The following THSD1 variants were observed in gnomAD, a reference collection of about 807,000 sequenced individuals.
THSD1 encodes thrombospondin type 1 domain containing 1.
A neutral mutation model predicts 46.3 loss-of-function variants in THSD1; 34 were observed. That is an observed-to-expected ratio of 0.74 (90% CI 0.56 to 0.98). THSD1 has a LOEUF of 0.98. Among genes scored for constraint, THSD1 ranks in the 50% least tolerant of loss-of-function variants. The probability of loss-of-function intolerance (pLI) is 0.00; values close to 1 mark genes in which losing one functional copy is unlikely to be tolerated. For synonymous variants in THSD1, 407 were observed against 416.5 expected, an observed-to-expected ratio of 0.98 and a Z score of 0.28; for missense variants, 1,023 against 1,058.3, an observed-to-expected ratio of 0.97 and a Z score of 0.46.
intron 1 of THSD1, among the ~76,000 whole-genome samples, chr13:52,405,040 A>G (rs74085770): frequency 0.019 from 2,836 of 152,292 alleles, 99 homozygotes; most frequent in African/African-American, 0.065. Flanking sequence ...GTTGTTCTCA[A>G]TACCTCGACT....
chr13:52,384,138 C>T (rs1031322976), intron 4 of THSD1: 7 of 338,078 alleles, frequency 2.1e-5, no homozygotes, highest in South Asian at 1.4e-4. Flanking sequence ...GAGCCGAGAT[C>T]GCACCATTGC....
At position 52,397,440 on chromosome 13, in the gene THSD1, C is replaced by A; in HGVS notation, c.813G>T (p.Val271=). The A allele has an allele frequency of 3.1e-6, 5 of 1,614,096 alleles. No individual in the cohort carries two copies. Among genetic ancestry groups the A allele is most frequent in the Non-Finnish European group, 4.2e-6 (5 of 1,180,030 alleles). Residue 271 remains valine, a synonymous_variant, in exon 3 of 5, where the codon GTG becomes GTT. Transcript: ENST00000258613. ...TGGGGGCCTCCTTGAAGACAGTGAC[C>A]ACTCCTTGGACGAAGGTGCATGGTG... ...LPPPCTFVQG[V]VTVFKEAPRY...
At chr13:52,403,442 G>A (rs1361605980) in intron 1 of THSD1, among the ~76,000 whole-genome samples, 1 of 152,098 alleles carries the variant, frequency 6.6e-6, no homozygotes, top group Non-Finnish European at 1.5e-5. Flanking sequence ...GACCTTGCTG[G>A]CCTGTGGTTC....
At chr13:52,403,617 G>A (rs1011794826) in intron 1 of THSD1, among the ~76,000 whole-genome samples, 6 of 152,274 alleles carry the variant, frequency 3.9e-5, no homozygotes, top group African/African-American at 1.4e-4. Context: ...GAGTAGCTGG[G>A]ACTACAGGCG....
chr13:52,377,936 G>A lies in THSD1; in HGVS notation c.2034C>T (p.Ala678=). The A allele has an allele frequency of 6.2e-7, 1 of 1,614,120 alleles. No individual in the cohort carries two copies. The highest frequency in any genetic ancestry group is 8.5e-7 in the Non-Finnish European group (1 of 1,180,034). Reference sequence around the variant, plus strand: ...TCCGCGTCCTAGAGCTGTAGGCAGGGGCCTGCCGTGGAGTCAGAGTGGACA... The same window carrying A: ...TCCGCGTCCTAGAGCTGTAGGCAGGAGCCTGCCGTGGAGTCAGAGTGGACA... ...RSMSTLTPRQ[A]PAYSSRTRTC... The change falls in exon 5 of 5, where the codon GCC becomes GCT. Residue 678 remains alanine, a synonymous_variant. Transcript: ENST00000258613.
At chr13:52,378,994 C>T (rs913129063) in intron 4 of THSD1, among the ~76,000 whole-genome samples, 1 of 151,356 alleles carries the variant, frequency 6.6e-6, no homozygotes, top group Non-Finnish European at 1.5e-5. Flanking sequence ...TCCCAAGTAG[C>T]TGGGATTACA....
chr13:52,394,826 T>G (rs192756444), intron 3 of THSD1, among the ~76,000 whole-genome samples: 60 of 152,214 alleles, frequency 3.9e-4, no homozygotes, highest in Middle Eastern at 6.8e-3. Context: ...TGCCACCAAA[T>G]GAGCTTCCCC....
Position 52,377,569 on chromosome 13 carries a change from G to C in THSD1, c.2401C>G (p.Gln801Glu). 6.2e-7 allele frequency: 1 copy of C among 1,601,254 alleles called. No homozygotes were observed. Among genetic ancestry groups the C allele is most frequent in the Non-Finnish European group, 8.5e-7 (1 of 1,170,574 alleles). The change falls in exon 5 of 5, where the codon CAA becomes GAA. Residue 801 changes from glutamine (Q) to glutamate (E), a missense_variant. Gln to Glu is a conservative substitution (Grantham distance 29, BLOSUM62 2). This residue lies in a region of THSD1 where 578 missense variants were observed against 497.4 expected (regional missense o/e 1.16). Coordinates refer to ENST00000258613, the MANE Select transcript of THSD1 (RefSeq NM_018676.4). ...AACTCAGGGTGAGTGGGGAAGCTTT[G>C]ACACTTGTCTTTTCTACACTGAGAA... Reference protein sequence around the residue: ...SPSQCRKDKCQSFPTHPEFAF... With the variant: ...SPSQCRKDKCESFPTHPEFAF...
In THSD1 at chr13:52,397,771, T is replaced by A; in HGVS notation, c.482A>T (p.Asp161Val). 1 of 1,614,240 alleles carries A rather than the reference T, an allele frequency of 6.2e-7. No homozygotes were observed. Among genetic ancestry groups the A allele is most frequent in the Non-Finnish European group, 8.5e-7 (1 of 1,180,046 alleles). ...GACATCCACTACGATGTTGGGCTTG[T>A]CCACAGGAAACGGGCACAGTGGTTG... Reference protein sequence around the residue: ...TSQPLCPFPVDKPNIVVDVIF... With the variant: ...TSQPLCPFPVVKPNIVVDVIF... Residue 161 changes from aspartate (D) to valine (V), a missense_variant, in exon 3 of 5, where the codon GAC (aspartate) becomes GTC (valine). Asp to Val is a radical substitution (Grantham distance 152, BLOSUM62 -3). Coordinates refer to ENST00000258613, the MANE Select transcript of THSD1 (RefSeq NM_018676.4).
intron 4 of THSD1, among the ~76,000 whole-genome samples, chr13:52,382,918 C>G (rs1432637241): frequency 6.6e-6 from 1 of 151,996 alleles, no homozygotes; most frequent in Non-Finnish European, 1.5e-5. Context: ...AGCAGAATCG[C>G]TTGAACCCAG....
intron 3 of THSD1, among the ~76,000 whole-genome samples, chr13:52,388,751 G>A (rs186885942): frequency 9.9e-4 from 151 of 152,204 alleles, no homozygotes; most frequent in African/African-American, 3.3e-3. Context: ...AAAGTGCTGG[G>A]ATTACAGGCA....
chr13:52,386,668 A>G (rs1218223533), intron 3 of THSD1, among the ~76,000 whole-genome samples: 1 of 152,166 alleles, frequency 6.6e-6, no homozygotes, highest in East Asian at 1.9e-4. Context: ...CAAATACAAG[A>G]AGCACTGGGG....
chr13:52,378,863 CTTTT>C (rs368308011), intron 4 of THSD1, 74 bp from the exon 5 acceptor site: 1,324 of 1,061,968 alleles, frequency 1.2e-3, no homozygotes, highest in East Asian at 1.6e-3. Context: ...TTTTTCTTTT[CTTTT>C]TTTTTTTTTT....
At position 52,378,263 on chromosome 13, in the gene THSD1, G is replaced by A; in HGVS notation, c.1707C>T (p.Ser569=). ...LTDTAIDAAP[S]APLDLESPEE... ...CCGGGCTTTCCAAATCTAAGGGAGC[G>A]CTGGGGGCCGCATCAATGGCAGTGT... Residue 569 remains serine (S), a synonymous_variant, in exon 5 of 5, where the codon AGC becomes AGT. Transcript: ENST00000258613. The A allele has an allele frequency of 4.3e-6, 7 of 1,614,190 alleles. No homozygotes were observed. Among genetic ancestry groups the A allele is most frequent in the East Asian group, 2.2e-5 (1 of 44,882 alleles).
Position 52,377,397 on chromosome 13 carries a change from G to C in THSD1, c.*14C>G, listed in dbSNP as rs1957640828. ...GCAGACCCCAGCTGTGTAAAGCTCA[G>C]GCTGATTCTCAGTCTAGATCACCAG... On this transcript the variant is annotated 3_prime_UTR_variant, in exon 5 of 5. Coordinates refer to ENST00000258613, the MANE Select transcript of THSD1 (RefSeq NM_018676.4). 1 of 1,540,362 alleles carries C rather than the reference G, an allele frequency of 6.5e-7. No homozygotes were observed. The highest frequency in any genetic ancestry group is 1.9e-5 in the Admixed American group (1 of 52,206).
In THSD1 at chr13:52,386,259, C is replaced by T. The variant is rs1230604259; in HGVS notation, c.1022-73G>A. ...AGTATTTAACTGCACCCAAATGAAA[C>T]AGCAAAACTCAAATCTCAGGTCTTG... On this transcript the variant is annotated intron_variant, in intron 3 of 4. Transcript: ENST00000258613. The T allele has an allele frequency of 3.4e-6, 5 of 1,478,594 alleles. No homozygotes were observed. In the East Asian group the frequency reaches 6.9e-5, roughly 21 times the overall value. The allele number at this position is 1,478,594 out of a possible 1,614,324, so 91.6% of individuals were successfully genotyped here.
At chr13:52,399,346 C>T (rs1189854176) in intron 2 of THSD1, among the ~76,000 whole-genome samples, 1 of 152,072 alleles carries the variant, frequency 6.6e-6, no homozygotes, top group Non-Finnish European at 1.5e-5. Context: ...TCAGCTGGCC[C>T]GTGGCTAGGG....
chr13:52,388,463 C>T (rs1284475988), intron 3 of THSD1, among the ~76,000 whole-genome samples: 1 of 151,996 alleles, frequency 6.6e-6, no homozygotes, highest in Non-Finnish European at 1.5e-5. Context: ...AACAAAATAG[C>T]GGCAATGTAT....
intron 1 of THSD1, among the ~76,000 whole-genome samples, chr13:52,405,464 A>G (rs1263906104): frequency 1.3e-5 from 2 of 152,216 alleles, no homozygotes; most frequent in African/African-American, 4.8e-5. Context: ...CTCTAGTTCT[A>G]AAGCAGCTCG....
Sources: allele counts gnomAD v4.1 joint callset (sites outside exome capture counted in the v4.1 genomes callset), GRCh38; gene constraint gnomAD v4.1.1; regional missense constraint gnomAD v4.1.1; transcripts MANE v1.5; gene names NCBI Gene and HGNC (gene_info 2026-07-23, HGNC 2026-07-21).